ANOS1: variants seen among roughly 807,000 people sequenced by gnomAD.
ANOS1 encodes the protein anosmin 1, also known as anosmin-1.
A neutral mutation model predicts 59.0 loss-of-function variants in ANOS1; 6 were observed. That is an observed-to-expected ratio of 0.10 (90% CI 0.06 to 0.20). The LOEUF is 0.20. Among genes scored for constraint, ANOS1 ranks in the 10% least tolerant of loss-of-function variants. ANOS1 has a pLI of 1.00. For synonymous variants in ANOS1, 217 were observed against 223.4 expected (o/e 0.97, Z 0.25); for missense variants, 433 against 542.3 (o/e 0.80, Z 2.00).
At chrX:8,639,453 AC>A (rs1430439758) in intron 2 of ANOS1, among the ~76,000 whole-genome samples, 1 of 111,696 alleles carries the variant, frequency 9.0e-6, no homozygotes, top group African/African-American at 3.3e-5. Context: ...TAACTTAAAT[AC>A]CCTGTATCCT....
intron 8 of ANOS1, chrX:8,566,059 A>T: frequency 1.3e-6 from 1 of 753,508 alleles, no homozygotes. Flanking sequence ...AACTCTCTAC[A>T]CTCATCCACG....
In ANOS1 at chrX:8,532,723, C is replaced by T. The variant is rs1929519455; in HGVS notation, c.*272G>A. 3.5e-6 allele frequency: 1 copy of T among 287,593 alleles called. No homozygotes were observed. The highest frequency in any genetic ancestry group is 2.7e-5 in the African/African-American group (1 of 37,525). The allele number at this position is 287,593 out of a possible 1,213,427, so 23.7% of individuals were successfully genotyped here. ...TGTAATTCAATAGAAATGAGCGACACCATACATGAAAACAAAATTTAGCAT... is the reference window on the plus strand; with the variant it reads ...TGTAATTCAATAGAAATGAGCGACATCATACATGAAAACAAAATTTAGCAT... On this transcript the variant is annotated 3_prime_UTR_variant, in exon 14 of 14. Transcript: ENST00000262648.
chrX:8,616,931 T>C (rs1289310833), intron 3 of ANOS1, among the ~76,000 whole-genome samples: 3 of 112,618 alleles, frequency 2.7e-5, no homozygotes, highest in Non-Finnish European at 5.6e-5. Context: ...CATATTTTAA[T>C]GCTCTTAGGA....
chrX:8,542,021 A>G (rs971542764), intron 9 of ANOS1, among the ~76,000 whole-genome samples: 2 of 98,285 alleles, frequency 2.0e-5, no homozygotes, highest in African/African-American at 7.9e-5. Flanking sequence ...CAGCATCAAG[A>G]GTGACACATG....
chrX:8,668,033 A>AT (rs1055682630), intron 2 of ANOS1, among the ~76,000 whole-genome samples: 45 of 107,971 alleles, frequency 4.2e-4, no homozygotes, highest in South Asian at 8.1e-4. Flanking sequence ...GTATTTTTAA[A>AT]TTTTTTTTTT....
intron 9 of ANOS1, among the ~76,000 whole-genome samples, chrX:8,553,003 T>C (rs1054169164): frequency 1.8e-5 from 2 of 110,126 alleles, no homozygotes; most frequent in South Asian, 7.8e-4. Flanking sequence ...AACACCAATA[T>C]TGCTTATGGC....
intron 1 of ANOS1, among the ~76,000 whole-genome samples, chrX:8,713,985 A>T (rs6640217): frequency 0.39 from 43,097 of 110,865 alleles, 6,098 homozygotes; most frequent in East Asian, 0.62. Flanking sequence ...TCTTACAGGT[A>T]TCTTATTGGA....
chrX:8,557,198 T>C (rs1929963072), intron 8 of ANOS1, among the ~76,000 whole-genome samples: 1 of 112,324 alleles, frequency 8.9e-6, no homozygotes, highest in South Asian at 3.6e-4. Context: ...GATTTAAATG[T>C]TAGACCTAAA....
intron 2 of ANOS1, among the ~76,000 whole-genome samples, chrX:8,683,372 G>A (rs920384732): frequency 5.4e-5 from 6 of 110,682 alleles, no homozygotes; most frequent in African/African-American, 1.6e-4. Flanking sequence ...TAAGTAACTC[G>A]GCCCAGGTGA....
At chrX:8,729,112 C>T (rs1212226627) in intron 1 of ANOS1, among the ~76,000 whole-genome samples, 2 of 111,942 alleles carry the variant, frequency 1.8e-5, no homozygotes, top group African/African-American at 3.2e-5. Context: ...GCATAGGTTG[C>T]GCTCTCCTGA....
intron 2 of ANOS1, among the ~76,000 whole-genome samples, chrX:8,639,055 A>C (rs1423169823): frequency 8.9e-6 from 1 of 111,955 alleles, no homozygotes; most frequent in Non-Finnish European, 1.9e-5. Flanking sequence ...AATTACTTCA[A>C]AAAGACAGCA....
chrX:8,598,963 C>T (rs774240137), intron 3 of ANOS1, among the ~76,000 whole-genome samples: 36 of 111,347 alleles, frequency 3.2e-4, no homozygotes, highest in Non-Finnish European at 5.3e-4. Context: ...ATGGTGCCCC[C>T]GTGTTCTTCT....
chrX:8,552,465 CTAA>C (rs1166726476), intron 9 of ANOS1, among the ~76,000 whole-genome samples: 2 of 111,984 alleles, frequency 1.8e-5, no homozygotes, highest in African/African-American at 6.5e-5. Context: ...TTGATGTATA[CTAA>C]GGACATCCAG....
chrX:8,595,789 T>C (rs965660008), intron 4 of ANOS1, among the ~76,000 whole-genome samples: 1 of 111,430 alleles, frequency 9.0e-6, no homozygotes, highest in African/African-American at 3.3e-5. Context: ...GGCCACTGAC[T>C]GGTAGCAGTC....
intron 1 of ANOS1, 115 bp downstream of exon 1, chrX:8,731,715 C>T: frequency 1.8e-6 from 2 of 1,103,067 alleles, no homozygotes; most frequent in South Asian, 4.4e-5. Flanking sequence ...AAGCCAGGAT[C>T]AGCCGGCGGC....
At chrX:8,614,683 CT>C (rs1931127893) in intron 3 of ANOS1, among the ~76,000 whole-genome samples, 1 of 110,083 alleles carries the variant, frequency 9.1e-6, no homozygotes, top group Admixed American at 9.8e-5. Context: ...AAATTTAGTG[CT>C]TTTGCAATTT....
intron 3 of ANOS1, among the ~76,000 whole-genome samples, chrX:8,618,887 G>A (rs1931223148): frequency 9.2e-6 from 1 of 108,723 alleles, no homozygotes; most frequent in South Asian, 4.0e-4. Context: ...GCCTGGACAA[G>A]AGGGGGAAAC....
intron 6 of ANOS1, among the ~76,000 whole-genome samples, chrX:8,573,831 T>A (rs1930274401): frequency 9.0e-6 from 1 of 111,547 alleles, no homozygotes. Context: ...GTCATACATT[T>A]ATTTTCCACT....
chrX:8,610,033 A>AC (rs1555896687), intron 3 of ANOS1, among the ~76,000 whole-genome samples: 4 of 82,705 alleles, frequency 4.8e-5, no homozygotes, highest in East Asian at 3.3e-4. Flanking sequence ...AAAAAAAAAA[A>AC]AACAACAACC....
Sources: gnomAD v4.1 joint callset for allele counts (sites outside exome capture counted in the v4.1 genomes callset) on GRCh38, gnomAD v4.1.1 for gene constraint, MANE v1.5 for transcripts, NCBI Gene and HGNC (gene_info 2026-07-23, HGNC 2026-07-21) for gene names.